Variants in VWC2L observed in about 807,000 individuals in gnomAD.
VWC2L encodes the protein von Willebrand factor C domain containing 2 like, also known as von Willebrand factor C domain-containing protein 2-like.
In VWC2L, 10 loss-of-function variants were observed where a neutral mutation model predicts 21.6. The ratio of observed to expected loss-of-function variants is 0.46; its 90% CI spans 0.29 to 0.78. The LOEUF is 0.78. Among genes scored for constraint, VWC2L ranks in the 30% least tolerant of loss-of-function variants. VWC2L has a pLI of 0.10. For synonymous variants in VWC2L, 96 were observed against 94.3 expected (o/e 1.02, Z -0.10); for missense variants, 209 against 277.1 (o/e 0.75, Z 1.74).
intron 3 of VWC2L, among the ~76,000 whole-genome samples, chr2:214,539,190 T>C (rs997360820): frequency 6.6e-6 from 1 of 152,100 alleles, no homozygotes; most frequent in African/African-American, 2.4e-5. Context: ...AACAGACACT[T>C]GACAACATTG....
At chr2:214,466,585 C>T (rs1418066042) in intron 3 of VWC2L, among the ~76,000 whole-genome samples, 1 of 152,198 alleles carries the variant, frequency 6.6e-6, no homozygotes, top group Non-Finnish European at 1.5e-5. Flanking sequence ...ACCCCAATTA[C>T]ACATGTACCA....
intron 3 of VWC2L, among the ~76,000 whole-genome samples, chr2:214,542,487 C>T (rs145193284): frequency 1.1e-3 from 162 of 152,322 alleles, no homozygotes; most frequent in Middle Eastern, 6.8e-3. Context: ...CCTGCTGCTG[C>T]CTGGCTCAGA....
At chr2:214,470,730 G>A (rs1703292544) in intron 3 of VWC2L, among the ~76,000 whole-genome samples, 1 of 151,738 alleles carries the variant, frequency 6.6e-6, no homozygotes, top group South Asian at 2.1e-4. Flanking sequence ...CCAATGTAGT[G>A]AAACCCCATC....
intron 2 of VWC2L, among the ~76,000 whole-genome samples, chr2:214,426,663 C>A (rs898708756): frequency 1.3e-5 from 2 of 152,194 alleles, no homozygotes; most frequent in Non-Finnish European, 2.9e-5. Flanking sequence ...TGGAGATTAT[C>A]AAACTTGGCA....
At chr2:214,421,440 C>T (rs555330309) in intron 2 of VWC2L, among the ~76,000 whole-genome samples, 23 of 152,218 alleles carry the variant, frequency 1.5e-4, no homozygotes, top group Non-Finnish European at 2.6e-4. Flanking sequence ...AGTAGTTTTT[C>T]ATACTCACTT....
intron 3 of VWC2L, among the ~76,000 whole-genome samples, chr2:214,574,795 C>T (rs1026771340): frequency 1.3e-5 from 2 of 151,710 alleles, no homozygotes; most frequent in African/African-American, 4.8e-5. Flanking sequence ...ATAGTAATAA[C>T]AACTAACACT....
intron 3 of VWC2L, among the ~76,000 whole-genome samples, chr2:214,442,165 C>T (rs1265517581): frequency 6.6e-6 from 1 of 152,084 alleles, no homozygotes; most frequent in Non-Finnish European, 1.5e-5. Context: ...CTGCCTCGGC[C>T]TCCCAAAGCG....
At chr2:214,563,002 T>A (rs1690000663) in intron 3 of VWC2L, among the ~76,000 whole-genome samples, 1 of 152,190 alleles carries the variant, frequency 6.6e-6, no homozygotes, top group Admixed American at 6.5e-5. Context: ...TGAAACTGCT[T>A]TTGATTATTT....
In VWC2L at chr2:214,411,490, C is replaced by T. The variant is rs1702268983; in HGVS notation, c.-377C>T. ...TAAAAATAAGTTCAACATGATTCTGCTACTGGGGTCTGGATTTCTACAGGA... is the reference window on the plus strand; with the variant it reads ...TAAAAATAAGTTCAACATGATTCTGTTACTGGGGTCTGGATTTCTACAGGA... On this transcript the variant is annotated 5_prime_UTR_variant, in exon 1 of 4. Coordinates refer to ENST00000312504, the MANE Select transcript of VWC2L (RefSeq NM_001080500.4). 1 of 152,178 alleles carries T rather than the reference C, an allele frequency of 6.6e-6. No homozygotes were observed. The highest frequency in any genetic ancestry group is 2.1e-4 in the South Asian group (1 of 4,836). The allele number at this position is 152,178 out of a possible 1,614,324, so 9.4% of individuals were successfully genotyped here.
intron 3 of VWC2L, among the ~76,000 whole-genome samples, chr2:214,529,651 T>C (rs983719005): frequency 6.6e-6 from 1 of 152,166 alleles, no homozygotes; most frequent in Non-Finnish European, 1.5e-5. Context: ...TTTGTTCCAT[T>C]GCAGCTTTAT....
intron 3 of VWC2L, among the ~76,000 whole-genome samples, chr2:214,537,296 T>G (rs1689550049): frequency 6.6e-6 from 1 of 152,046 alleles, no homozygotes; most frequent in African/African-American, 2.4e-5. Context: ...ATTTTCTCGA[T>G]CCATTCATCC....
At chr2:214,568,244 T>C (rs1690098594) in intron 3 of VWC2L, among the ~76,000 whole-genome samples, 1 of 152,192 alleles carries the variant, frequency 6.6e-6, no homozygotes, top group Non-Finnish European at 1.5e-5. Flanking sequence ...CTTGACTATG[T>C]GTCATTTTTA....
intron 3 of VWC2L, among the ~76,000 whole-genome samples, chr2:214,511,852 T>C (rs1049985257): frequency 7.0e-6 from 1 of 143,450 alleles, no homozygotes; most frequent in South Asian, 2.3e-4. Flanking sequence ...ACTTTATATA[T>C]ATATACTCTA....
At chr2:214,497,928 T>A (rs1688834561) in intron 3 of VWC2L, among the ~76,000 whole-genome samples, 1 of 152,204 alleles carries the variant, frequency 6.6e-6, no homozygotes, top group East Asian at 1.9e-4. Context: ...GGTGCTGTAA[T>A]GAATAAAAAC....
chr2:214,455,469 A>C (rs182033837), intron 3 of VWC2L, among the ~76,000 whole-genome samples: 1 of 152,296 alleles, frequency 6.6e-6, no homozygotes, highest in African/African-American at 2.4e-5. Context: ...TGTCAAATGC[A>C]TGGAATGTGT....
intron 3 of VWC2L, among the ~76,000 whole-genome samples, chr2:214,562,395 G>T (rs1574638044): frequency 6.6e-6 from 1 of 152,080 alleles, no homozygotes; most frequent in East Asian, 1.9e-4. Flanking sequence ...ATCTATCATT[G>T]ATAGGCATTT....
intron 3 of VWC2L, among the ~76,000 whole-genome samples, chr2:214,534,684 T>C (rs1017429758): frequency 1.3e-5 from 2 of 152,112 alleles, no homozygotes; most frequent in African/African-American, 4.8e-5. Flanking sequence ...AATGTCCATC[T>C]AGGAAACATT....
chr2:214,541,732 T>A (rs751071075), intron 3 of VWC2L, among the ~76,000 whole-genome samples: 10 of 152,172 alleles, frequency 6.6e-5, no homozygotes, highest in Non-Finnish European at 1.2e-4. Context: ...TGTACGAGAC[T>A]CAGCTCTGTG....
At chr2:214,480,760 C>T (rs10164805) in intron 3 of VWC2L, among the ~76,000 whole-genome samples, 129,900 of 151,290 alleles carry the variant, frequency 0.86, 57,556 homozygotes, top group East Asian at 0.99. Context: ...TAAAGTACAT[C>T]CCATTTGTCT....
Sources: gnomAD v4.1 joint callset for allele counts (sites outside exome capture counted in the v4.1 genomes callset) on GRCh38, gnomAD v4.1.1 for gene constraint, MANE v1.5 for transcripts, NCBI Gene and HGNC (gene_info 2026-07-23, HGNC 2026-07-21) for gene names.